The following OR2F1 variants were observed in gnomAD, a reference collection of about 807,000 sequenced individuals.
The protein encoded by OR2F1 is olfactory receptor 2F1.
For missense variants in OR2F1, 389 were observed against 378.2 expected, an observed-to-expected ratio of 1.03 and a Z score of -0.24; for synonymous variants, 146 against 155.3, an observed-to-expected ratio of 0.94 and a Z score of 0.44.
chr7:143,958,662 G>A (rs1432926023), intron 1 of OR2F1, among the ~76,000 whole-genome samples: 1 of 152,066 alleles, frequency 6.6e-6, no homozygotes, highest in South Asian at 2.1e-4. Flanking sequence ...TAAAAAGAAC[G>A]CTTATGAAGA....
rs149582024 is a variant in OR2F1 at position 143,962,286 on chromosome 7, A to G, written c.*1362A>G. 12 of 152,334 alleles carry G rather than the reference A, an allele frequency of 7.9e-5. No homozygotes were observed. In the East Asian group the frequency reaches 2.1e-3, roughly 27 times the overall value. 9.4% of individuals were successfully genotyped at this position (152,334 alleles called of 1,614,324 possible). On this transcript the variant is annotated 3_prime_UTR_variant, in exon 3 of 3. Coordinates refer to ENST00000641412, the MANE Select transcript of OR2F1 (RefSeq NM_012369.3). The stretch of plus-strand genomic sequence containing the variant: ...TATATTAATAGTAATGCAATCTTAA[A>G]TTTTGCAAGATAGGCAGGCATCCTA...
Position 143,960,306 on chromosome 7 carries a change from T to C in OR2F1, c.336T>C (p.Phe112=), listed in dbSNP as rs1274870546. 1 of 1,614,184 alleles carries C rather than the reference T, an allele frequency of 6.2e-7. No homozygotes were observed. The highest frequency in any genetic ancestry group is 1.7e-5 in the Admixed American group (1 of 60,024). Residue 112 remains phenylalanine (F), a synonymous_variant, in exon 3 of 3, where the codon TTT becomes TTC. Transcript: ENST00000641412. ...CCCTGGCCTTGGGTGGGATTGAGTT[T>C]GTTCTCCTGGCGGTGATGGCCTATG... ...FFSLALGGIE[F]VLLAVMAYDR...
Position 143,960,124 on chromosome 7 carries a change from G to T in OR2F1, c.154G>T (p.Asp52Tyr). The change falls in exon 3 of 3, where the codon GAC (aspartate) becomes TAC (tyrosine). Residue 52 changes from aspartate to tyrosine, a missense_variant. Asp to Tyr is a radical substitution (Grantham distance 160). Coordinates refer to ENST00000641412, the MANE Select transcript of OR2F1 (RefSeq NM_012369.3). ...TCTCATTGTCCTTCTGATCAGACTG[G>T]ACAGCCGACTCCACACTCCCATGTA... is the stretch of plus-strand genomic sequence containing the variant. ...NCLIVLLIRLDSRLHTPMYFF... is the reference protein window; with the variant it reads ...NCLIVLLIRLYSRLHTPMYFF... The T allele has an allele frequency of 6.2e-7, 1 of 1,613,990 alleles. No individual in the cohort carries two copies.
In OR2F1 at chr7:143,960,808, A is replaced by AT; in HGVS notation, c.842dup (p.Leu281PhefsTer15). On this transcript the variant is annotated frameshift_variant, in exon 3 of 3. Coordinates refer to ENST00000641412, the MANE Select transcript of OR2F1 (RefSeq NM_012369.3). LOFTEE classifies it high-confidence loss of function. ...GAAGTTGTTCTCTGTCTTTTATGCC[A>AT]TTTTAACACCAATGCTGAACCCCAT... The AT allele has an allele frequency of 6.2e-7, 1 of 1,614,130 alleles. No homozygotes were observed. Among genetic ancestry groups the AT allele is most frequent in the South Asian group, 1.1e-5 (1 of 91,078 alleles).
intron 1 of OR2F1, among the ~76,000 whole-genome samples, chr7:143,958,217 A>G (rs1394509804): frequency 6.6e-6 from 1 of 152,220 alleles, no homozygotes; most frequent in East Asian, 1.9e-4. Flanking sequence ...TCTAATTCAG[A>G]TGCAAATCTG....
Position 143,960,136 on chromosome 7 carries a change from C to T in OR2F1, c.166C>T (p.His56Tyr). 6.2e-7 allele frequency: 1 copy of T among 1,614,132 alleles called. No homozygotes were observed. Among genetic ancestry groups the T allele is most frequent in the Non-Finnish European group, 8.5e-7 (1 of 1,180,028 alleles). The change falls in exon 3 of 3, where the codon CAC (histidine) becomes TAC (tyrosine). Residue 56 changes from histidine (H) to tyrosine (Y), a missense_variant. Coordinates refer to ENST00000641412, the MANE Select transcript of OR2F1 (RefSeq NM_012369.3). ...VLLIRLDSRL[H>Y]TPMYFFLTNL... The stretch of plus-strand genomic sequence containing the variant: ...TCTGATCAGACTGGACAGCCGACTC[C>T]ACACTCCCATGTATTTCTTTCTCAC...
At chr7:143,959,862 G>C (rs1188710661) in intron 2 of OR2F1, 86 bp from the exon 3 acceptor site, 1 of 839,800 alleles carries the variant, frequency 1.2e-6, no homozygotes, top group Non-Finnish European at 1.9e-6. Flanking sequence ...CCTGCCTAGG[G>C]CTGGCTGGCA....
intron 1 of OR2F1, 52 bp from the exon 2 acceptor site, chr7:143,958,901 C>T (rs966790120): frequency 4.6e-5 from 7 of 151,672 alleles, no homozygotes; most frequent in African/African-American, 1.7e-4. Context: ...CTCTTCCTCC[C>T]TTGTATCTAA....
Position 143,960,349 on chromosome 7 carries a change from T to C in OR2F1, c.379T>C (p.Cys127Arg). ...VMAYDRYVAV[C>R]DALRYSAIMH... ...GGCCTATGACCGCTATGTGGCTGTGTGTGATGCCCTGCGATACTCGGCCAT... is the reference window on the plus strand; with the variant it reads ...GGCCTATGACCGCTATGTGGCTGTGCGTGATGCCCTGCGATACTCGGCCAT... Residue 127 changes from cysteine (C) to arginine (R), a missense_variant, in exon 3 of 3, where the codon TGT becomes CGT. Coordinates refer to ENST00000641412, the MANE Select transcript of OR2F1 (RefSeq NM_012369.3). 6.2e-7 allele frequency: 1 copy of C among 1,614,152 alleles called. No individual in the cohort carries two copies. The highest frequency in any genetic ancestry group is 8.5e-7 in the Non-Finnish European group (1 of 1,180,030).
At chr7:143,956,833 AGT>A (rs1336608017) in intron 1 of OR2F1, among the ~76,000 whole-genome samples, 3 of 152,146 alleles carry the variant, frequency 2.0e-5, no homozygotes, top group African/African-American at 7.2e-5. Flanking sequence ...GGAAAAGGTA[AGT>A]GTGGCTGAGA....
At position 143,961,202 on chromosome 7, in the gene OR2F1, C is replaced by G; in HGVS notation, c.*278C>G. On this transcript the variant is annotated 3_prime_UTR_variant, in exon 3 of 3. Coordinates refer to ENST00000641412, the MANE Select transcript of OR2F1 (RefSeq NM_012369.3). ...GACAATCGTTGAAAAAAAATTACTA[C>G]TTACTGTTTTGATTTGTCATATCGT... 2.6e-6 allele frequency: 1 copy of G among 385,246 alleles called. No homozygotes were observed. Among genetic ancestry groups the G allele is most frequent in the African/African-American group, 2.0e-5 (1 of 49,756 alleles). The allele number at this position is 385,246 out of a possible 1,614,324, so 23.9% of individuals were successfully genotyped here. A position where few individuals can be genotyped will look rare whatever the true frequency, so the allele number is the denominator to read the frequency against.
intron 1 of OR2F1, among the ~76,000 whole-genome samples, chr7:143,956,693 A>G (rs1270696148): frequency 6.6e-6 from 1 of 152,192 alleles, no homozygotes; most frequent in Non-Finnish European, 1.5e-5. Flanking sequence ...GTGCTTAAAA[A>G]GGACATAAAA....
Position 143,960,452 on chromosome 7 carries a change from C to T in OR2F1, c.482C>T (p.Ala161Val). ...SGFISSPVQT[A>V]ITFQLPMCRN... is the part of the protein sequence containing the mutation. ...TTCATCAGCTCTCCTGTGCAGACTG[C>T]TATCACCTTTCAGCTGCCCATGTGC... Residue 161 changes from alanine (A) to valine (V), a missense_variant, in exon 3 of 3, where the codon GCT becomes GTT. Physicochemically the swap from Ala to Val is moderately conservative, Grantham distance 64. Coordinates refer to ENST00000641412, the MANE Select transcript of OR2F1 (RefSeq NM_012369.3). 6.2e-7 allele frequency: 1 copy of T among 1,614,188 alleles called. No individual in the cohort carries two copies.
rs748864393 is a variant in OR2F1 at position 143,960,829 on chromosome 7, C to T, written c.859C>T (p.Pro287Ser). 1.9e-6 allele frequency: 3 copies of T among 1,613,996 alleles called. No homozygotes were observed. Among genetic ancestry groups the T allele is most frequent in the African/African-American group, 2.7e-5 (2 of 74,892 alleles). The change falls in exon 3 of 3, where the codon CCC becomes TCC. Residue 287 changes from proline (P) to serine (S), a missense_variant. Pro to Ser is a moderately conservative substitution (Grantham distance 74, BLOSUM62 -1). Coordinates refer to ENST00000641412, the MANE Select transcript of OR2F1 (RefSeq NM_012369.3). ...TGCCATTTTAACACCAATGCTGAAC[C>T]CCATGATTTACAGCCTAAGGAATAA... ...FYAILTPMLN[P>S]MIYSLRNKEV... is the part of the protein sequence containing the mutation.
At position 143,959,999 on chromosome 7, in the gene OR2F1, G is replaced by A; in HGVS notation, c.29G>A (p.Ser10Asn). ...GGAACAGATAACCAGACTTGGGTGA[G>A]TGAATTTATTCTCCTCGGCCTGTCC... MGTDNQTWV[S>N]EFILLGLSSD... Residue 10 changes from serine to asparagine, a missense_variant, in exon 3 of 3, where the codon AGT (serine) becomes AAT (asparagine). By Grantham distance (46) the Ser-to-Asn change is conservative (BLOSUM62 1). Transcript: ENST00000641412. The A allele has an allele frequency of 6.2e-7, 1 of 1,611,062 alleles. No individual in the cohort carries two copies. Among genetic ancestry groups the A allele is most frequent in the Non-Finnish European group, 8.5e-7 (1 of 1,178,190 alleles).
rs2050353530 is a variant in OR2F1 at position 143,964,322 on chromosome 7, C to T, written c.*3398C>T. 1.3e-5 allele frequency: 2 copies of T among 151,832 alleles called. No individual in the cohort carries two copies. The highest frequency in any genetic ancestry group is 4.8e-5 in the African/African-American group (2 of 41,354). 9.4% of individuals were successfully genotyped at this position (151,832 alleles called of 1,614,324 possible). On this transcript the variant is annotated 3_prime_UTR_variant, in exon 3 of 3. Transcript: ENST00000641412. Reference sequence around the variant, plus strand: ...AAAATATTTTTCATTAGTTAATAACCATAAAAACACCACTGAAGGTTTTCC... The same window carrying T: ...AAAATATTTTTCATTAGTTAATAACTATAAAAACACCACTGAAGGTTTTCC...
chr7:143,960,600 C>T lies in OR2F1; in HGVS notation c.630C>T (p.Pro210=), dbSNP rs374136797. 2 of 1,614,062 alleles carry T rather than the reference C, an allele frequency of 1.2e-6. No individual in the cohort carries two copies. Among genetic ancestry groups the T allele is most frequent in the Non-Finnish European group, 8.5e-7 (1 of 1,180,030 alleles). Reference sequence around the variant, plus strand: ...CTAGCATTGTTCTTCTGATGACACCCTTCTGCCTGGTTCTTTTGTCCTACA... The same window carrying T: ...CTAGCATTGTTCTTCTGATGACACCTTTCTGCCTGGTTCTTTTGTCCTACA... ...MVSSIVLLMT[P]FCLVLLSYIQ... is the part of the protein sequence containing the mutation. The change falls in exon 3 of 3, where the codon CCC becomes CCT. Residue 210 remains proline (P), a synonymous_variant. Coordinates refer to ENST00000641412, the MANE Select transcript of OR2F1 (RefSeq NM_012369.3).
chr7:143,960,438 T>C lies in OR2F1; in HGVS notation c.468T>C (p.Ser156=). 6.2e-7 allele frequency: 1 copy of C among 1,614,170 alleles called. No homozygotes were observed. Among genetic ancestry groups the C allele is most frequent in the African/African-American group, 1.3e-5 (1 of 75,034 alleles). The change falls in exon 3 of 3, where the codon TCT becomes TCC. Residue 156 remains serine, a synonymous_variant. Transcript: ENST00000641412. ...ITSWVSGFIS[S]PVQTAITFQL... ...CCTGGGTCAGTGGCTTCATCAGCTC[T>C]CCTGTGCAGACTGCTATCACCTTTC...
At chr7:143,958,631 C>T (rs527998373) in intron 1 of OR2F1, among the ~76,000 whole-genome samples, 3 of 152,258 alleles carry the variant, frequency 2.0e-5, no homozygotes, top group East Asian at 3.9e-4. Flanking sequence ...TTCCTACTTT[C>T]CCTTATTGTG....
Sources: gnomAD v4.1 joint callset for allele counts (sites outside exome capture counted in the v4.1 genomes callset) on GRCh38, gnomAD v4.1.1 for gene constraint, MANE v1.5 for transcripts, NCBI Gene and HGNC (gene_info 2026-07-23, HGNC 2026-07-21) for gene names.